Variants in GLT8D1 observed in about 807,000 individuals in gnomAD.
GLT8D1 encodes glycosyltransferase 8 domain containing 1.
In GLT8D1, 41 loss-of-function variants were observed where a neutral mutation model predicts 46.2. The ratio of observed to expected loss-of-function variants is 0.89; its 90% CI spans 0.69 to 1.15. The LOEUF is 1.15. Among genes scored for constraint, GLT8D1 ranks in the 50% most tolerant of loss-of-function variants. GLT8D1 has a pLI of 0.00. For missense variants in GLT8D1, 408 were observed against 449.3 expected, an observed-to-expected ratio of 0.91 and a Z score of 0.83; for synonymous variants, 150 against 154.2, an observed-to-expected ratio of 0.97 and a Z score of 0.20.
chr3:52,700,615 C>A, intron 1 of GLT8D1, 119 bp from the exon 2 acceptor site: 1 of 494,622 alleles, frequency 2.0e-6, no homozygotes, highest in Non-Finnish European at 3.6e-6. Context: ...TACAGTATTC[C>A]GCCAGAAACT....
At position 52,695,274 on chromosome 3, in the gene GLT8D1, C is replaced by T. The variant is rs751719596; in HGVS notation, c.841G>A (p.Gly281Ser). Residue 281 changes from glycine (G) to serine (S), a missense_variant, in exon 9 of 10, where the codon GGT (glycine) becomes AGT (serine). Physicochemically the swap from Gly to Ser is moderately conservative, Grantham distance 56. Coordinates refer to ENST00000266014, the MANE Select transcript of GLT8D1 (RefSeq NM_018446.4). Reference protein sequence around the residue: ...EEGLYSRTLAGSITTPPLLIV... With the variant: ...EEGLYSRTLASSITTPPLLIV... Reference sequence around the variant, plus strand: ...AGCAGAGGAGGTGTTGTGATGCTACCAGCCAGGGTTCTGCTATACAGTCCC... The same window carrying T: ...AGCAGAGGAGGTGTTGTGATGCTACTAGCCAGGGTTCTGCTATACAGTCCC... The T allele has an allele frequency of 3.1e-6, 5 of 1,613,278 alleles. No individual in the cohort carries two copies. In the East Asian group the frequency reaches 6.7e-5, roughly 22 times the overall value.
chr3:52,694,861 ATC>A lies in GLT8D1; in HGVS notation c.1098_1099del (p.Glu366AspfsTer32). The A allele has an allele frequency of 6.2e-7, 1 of 1,609,854 alleles. No individual in the cohort carries two copies. ...AATTCTGTTTCACTTTATGTTTGAG[ATC>A]TCGGTATATCTTCGGATTAGGTTGA... On this transcript the variant is annotated frameshift_variant, in exon 10 of 10. Transcript: ENST00000266014. LOFTEE classifies it high-confidence loss of function.
chr3:52,698,130 A>G (rs1025449136), intron 3 of GLT8D1, among the ~76,000 whole-genome samples, 196 bp from the exon 4 acceptor site: 18 of 152,216 alleles, frequency 1.2e-4, no homozygotes, highest in Non-Finnish European at 2.1e-4. Context: ...ATTTTTTAAA[A>G]TACACTGACA....
In GLT8D1 at chr3:52,696,042, T is replaced by G. The variant is rs996076164; in HGVS notation, c.533-2A>C. On this transcript the variant is annotated splice_acceptor_variant, in intron 6 of 9. Transcript: ENST00000266014. LOFTEE classifies it high-confidence loss of function. ...TATTGTAAAGGGCAAGAATATCACC[T>G]GAAATAGACAAGATGTTAAGATTTA... 1.3e-6 allele frequency: 2 copies of G among 1,551,388 alleles called. No individual in the cohort carries two copies. Among genetic ancestry groups the G allele is most frequent in the Non-Finnish European group, 1.8e-6 (2 of 1,123,194 alleles).
chr3:52,695,900 G>A, intron 7 of GLT8D1, 28 bp downstream of exon 7: 1 of 1,260,490 alleles, frequency 7.9e-7, no homozygotes. Context: ...AATATTGTAG[G>A]AAGAGGGGTG....
At position 52,696,528 on chromosome 3, in the gene GLT8D1, TG is replaced by T. The variant is rs1275729818; in HGVS notation, c.447+13del. 1 of 1,289,830 alleles carries T rather than the reference TG, an allele frequency of 7.8e-7. No homozygotes were observed. The highest frequency in any genetic ancestry group is 1.1e-6 in the Non-Finnish European group (1 of 884,386). The allele number at this position is 1,289,830 out of a possible 1,614,324, so 79.9% of individuals were successfully genotyped here. The stretch of plus-strand genomic sequence containing the variant: ...TAATACTGCCAAGTGCAAAGAAGGA[TG>T]CATGGAACTCACAGGTTTCATGGAT... On this transcript the variant is annotated intron_variant, in intron 5 of 9. Coordinates refer to ENST00000266014, the MANE Select transcript of GLT8D1 (RefSeq NM_018446.4).
At chr3:52,703,952 G>A (rs189432234) in intron 1 of GLT8D1, 8 of 152,210 alleles carry the variant, frequency 5.3e-5, no homozygotes, top group Non-Finnish European at 1.2e-4. Context: ...CTACATTTTC[G>A]TAAGAGTATA....
intron 4 of GLT8D1, 151 bp downstream of exon 4, chr3:52,697,570 C>G (rs1357638734): frequency 1.5e-6 from 1 of 658,456 alleles, no homozygotes; most frequent in East Asian, 2.6e-5. Context: ...TAATACAGTC[C>G]TAAAAAAAAT....
intron 1 of GLT8D1, chr3:52,703,843 C>G (rs1205236268): frequency 6.6e-6 from 1 of 152,218 alleles, no homozygotes; most frequent in Non-Finnish European, 1.5e-5. Flanking sequence ...TCCATATTGT[C>G]TTTCCTGGGG....
intron 3 of GLT8D1, among the ~76,000 whole-genome samples, chr3:52,699,231 G>A (rs1239430234): frequency 1.3e-5 from 2 of 151,786 alleles, no homozygotes; most frequent in African/African-American, 4.8e-5. Flanking sequence ...ATCATCCATA[G>A]GCACAGAAGA....
Position 52,694,863 on chromosome 3 carries a change from C to T in GLT8D1, c.1098G>A (p.Glu366=). Residue 366 remains glutamate, a synonymous_variant, in exon 10 of 10, where the codon GAG becomes GAA. Coordinates refer to ENST00000266014, the MANE Select transcript of GLT8D1 (RefSeq NM_018446.4). The part of the protein sequence containing the change: ...GKFNLIRRYT[E]ISNIK ...TTCTGTTTCACTTTATGTTTGAGAT[C>T]TCGGTATATCTTCGGATTAGGTTGA... The T allele has an allele frequency of 6.2e-7, 1 of 1,610,514 alleles. No homozygotes were observed. The highest frequency in any genetic ancestry group is 8.5e-7 in the Non-Finnish European group (1 of 1,176,710).
Position 52,700,358 on chromosome 3 carries a change from T to A in GLT8D1, c.19A>T (p.Asn7Tyr). ...ACAGCCAGGACCAAGATGATGATGT[T>A]TACTGAAATAGATAGGGAAAACCTA... MSFRKV[N>Y]IIILVLAVAL... Residue 7 changes from asparagine (N) to tyrosine (Y), a missense_variant and splice_region_variant, in exon 3 of 10, where the codon AAC becomes TAC. Transcript: ENST00000266014. 6.2e-7 allele frequency: 1 copy of A among 1,611,956 alleles called. No homozygotes were observed. Among genetic ancestry groups the A allele is most frequent in the Non-Finnish European group, 8.5e-7 (1 of 1,178,218 alleles).
chr3:52,702,521 G>A (rs1182545995), intron 1 of GLT8D1, among the ~76,000 whole-genome samples: 1 of 151,958 alleles, frequency 6.6e-6, no homozygotes, highest in East Asian at 1.9e-4. Context: ...ACTCCAGCCT[G>A]GGTGACAAAG....
Position 52,695,414 on chromosome 3 carries a change from T to C in GLT8D1, c.812+7A>G. ...GTTTTTCACAGCTAGGCCAGTTACA[T>C]ACTTACTCTACATTGAGTTTCATCC... On this transcript the variant is annotated splice_region_variant and intron_variant, in intron 8 of 9. Coordinates refer to ENST00000266014, the MANE Select transcript of GLT8D1 (RefSeq NM_018446.4). 1.2e-6 allele frequency: 2 copies of C among 1,612,326 alleles called. No homozygotes were observed. Among genetic ancestry groups the C allele is most frequent in the Non-Finnish European group, 1.7e-6 (2 of 1,178,580 alleles).
intron 1 of GLT8D1, chr3:52,703,871 G>C (rs567314749): frequency 3.4e-4 from 51 of 152,206 alleles, no homozygotes; most frequent in Non-Finnish European, 6.5e-4. Context: ...TGGTAAGAGA[G>C]CTTTCCTGAT....
chr3:52,700,320 TAAG>T lies in GLT8D1; in HGVS notation c.54_56del (p.Phe18del). On this transcript the variant is annotated inframe_deletion, in exon 3 of 10. Coordinates refer to ENST00000266014, the MANE Select transcript of GLT8D1 (RefSeq NM_018446.4). ...TGAGGAAGTTATGGTGCAAAACCAG[TAAG>T]AAGAGAGCAACAGCCAGGACCAAGA... 1.2e-6 allele frequency: 2 copies of T among 1,613,868 alleles called. No individual in the cohort carries two copies. The highest frequency in any genetic ancestry group is 1.7e-6 in the Non-Finnish European group (2 of 1,179,780).
chr3:52,702,719 A>T (rs537744426), intron 1 of GLT8D1, among the ~76,000 whole-genome samples: 30 of 151,716 alleles, frequency 2.0e-4, no homozygotes, highest in East Asian at 7.8e-4. Flanking sequence ...TCTAAAAAAA[A>T]TTTTTTTTAA....
At chr3:52,699,688 T>C (rs1453543929) in intron 3 of GLT8D1, among the ~76,000 whole-genome samples, 3 of 152,174 alleles carry the variant, frequency 2.0e-5, no homozygotes, top group Admixed American at 1.3e-4. Context: ...CATTACTTTA[T>C]ATGTATCATA....
At position 52,700,178 on chromosome 3, in the gene GLT8D1, A is replaced by T. The variant is rs1324001887; in HGVS notation, c.115+84T>A. ...AACAAACAACTGCTAGTACTACCGG[A>T]AGAAGAACAACTTAGGATGTGTGAC... is the stretch of plus-strand genomic sequence containing the variant. On this transcript the variant is annotated intron_variant, in intron 3 of 9. Transcript: ENST00000266014. The T allele has an allele frequency of 6.0e-6, 5 of 828,692 alleles. No individual in the cohort carries two copies. In the African/African-American group the frequency reaches 8.5e-5, roughly 14 times the overall value. 51.3% of individuals were successfully genotyped at this position (828,692 alleles called of 1,614,324 possible).
Sources: gnomAD v4.1 joint callset for allele counts (sites outside exome capture counted in the v4.1 genomes callset) on GRCh38, gnomAD v4.1.1 for gene constraint, MANE v1.5 for transcripts, NCBI Gene and HGNC (gene_info 2026-07-23, HGNC 2026-07-21) for gene names.